Variants in PTPRD observed in about 807,000 individuals in gnomAD.
PTPRD encodes receptor-type tyrosine-protein phosphatase delta.
A neutral mutation model predicts 214.5 loss-of-function variants in PTPRD; 34 were observed. That is an observed-to-expected ratio of 0.16 (90% CI 0.12 to 0.21). The LOEUF (loss-of-function observed/expected upper bound fraction) is 0.21. PTPRD is among the 10% of genes least tolerant of loss of function. PTPRD has a pLI of 1.00. For synonymous variants in PTPRD, 1,128 were observed against 845.7 expected (o/e 1.33, Z -5.79); for missense variants, 2,545 against 2,398.7 (o/e 1.06, Z -1.27).
chr9:9,478,182 C>T (rs1455516086), intron 8 of PTPRD, among the ~76,000 whole-genome samples: 4 of 152,066 alleles, frequency 2.6e-5, no homozygotes, highest in Non-Finnish European at 5.9e-5. Context: ...ATAACTTGAA[C>T]ATTTAAGACA....
intron 10 of PTPRD, among the ~76,000 whole-genome samples, chr9:9,178,244 G>A (rs2099926129): frequency 6.6e-6 from 1 of 151,972 alleles, no homozygotes; most frequent in South Asian, 2.1e-4. Flanking sequence ...ACCTCCCTTA[G>A]TCTTTCTGCC....
At chr9:9,057,030 G>A (rs1016667017) in intron 10 of PTPRD, among the ~76,000 whole-genome samples, 5 of 151,992 alleles carry the variant, frequency 3.3e-5, no homozygotes, top group Non-Finnish European at 7.4e-5. Context: ...TCCTCAGGGG[G>A]GATCTGTTAT....
At chr9:9,369,668 G>C (rs1037188698) in intron 9 of PTPRD, among the ~76,000 whole-genome samples, 1 of 152,068 alleles carries the variant, frequency 6.6e-6, no homozygotes, top group South Asian at 2.1e-4. Context: ...TGGTGTTTTA[G>C]ACATGAAGTC....
chr9:9,668,525 T>A (rs1306776307), intron 7 of PTPRD, among the ~76,000 whole-genome samples: 2 of 152,116 alleles, frequency 1.3e-5, no homozygotes, highest in Non-Finnish European at 2.9e-5. Flanking sequence ...CCAATTAAGT[T>A]TTGATTGGCC....
At chr9:10,168,118 T>C (rs2099170640) in intron 3 of PTPRD, among the ~76,000 whole-genome samples, 1 of 152,200 alleles carries the variant, frequency 6.6e-6, no homozygotes, top group African/African-American at 2.4e-5. Context: ...ATATTTGCTT[T>C]TGCAGGTGAT....
intron 8 of PTPRD, among the ~76,000 whole-genome samples, chr9:9,561,578 G>C (rs1317612668): frequency 6.6e-6 from 1 of 152,082 alleles, no homozygotes; most frequent in Non-Finnish European, 1.5e-5. Flanking sequence ...AGTATAAAAA[G>C]AATAGCCTCT....
At chr9:8,731,837 T>C (rs1318543194) in intron 12 of PTPRD, among the ~76,000 whole-genome samples, 1 of 152,208 alleles carries the variant, frequency 6.6e-6, no homozygotes, top group Non-Finnish European at 1.5e-5. Context: ...GAAAATATAC[T>C]ACATGGAGGC....
intron 44 of PTPRD, among the ~76,000 whole-genome samples, chr9:8,329,538 A>G (rs1837565188): frequency 6.6e-6 from 1 of 152,082 alleles, no homozygotes; most frequent in African/African-American, 2.4e-5. Context: ...CAGAGCTCGA[A>G]CACTGCACTG....
intron 10 of PTPRD, among the ~76,000 whole-genome samples, chr9:9,082,129 G>C (rs1391418226): frequency 1.3e-5 from 2 of 151,958 alleles, no homozygotes; most frequent in African/African-American, 4.8e-5. Flanking sequence ...GCATCATCCT[G>C]ATACCAAAAC....
chr9:9,097,559 C>A (rs961879995), intron 10 of PTPRD, among the ~76,000 whole-genome samples: 1 of 150,832 alleles, frequency 6.6e-6, no homozygotes, highest in Non-Finnish European at 1.5e-5. Flanking sequence ...CAGGCACCTG[C>A]CACCATGCCA....
At chr9:9,000,935 G>A (rs72692815) in intron 11 of PTPRD, among the ~76,000 whole-genome samples, 13,551 of 151,864 alleles carry the variant, frequency 0.089, 670 homozygotes, top group South Asian at 0.16. Context: ...TATTGCACCT[G>A]AGTCATACCT....
chr9:10,088,969 G>C (rs1420394287), intron 3 of PTPRD, among the ~76,000 whole-genome samples: 1 of 151,478 alleles, frequency 6.6e-6, no homozygotes, highest in South Asian at 2.1e-4. Flanking sequence ...GAATTTAGGG[G>C]CCAAGAGAAA....
intron 11 of PTPRD, among the ~76,000 whole-genome samples, chr9:9,016,354 C>T (rs551504069): frequency 1.5e-4 from 23 of 152,252 alleles, no homozygotes; most frequent in Non-Finnish European, 2.6e-4. Context: ...GTTCTGGGTT[C>T]CAATTCCAAT....
chr9:9,598,367 G>T (rs891267352), intron 7 of PTPRD, among the ~76,000 whole-genome samples: 2 of 151,848 alleles, frequency 1.3e-5, no homozygotes, highest in African/African-American at 4.8e-5. Flanking sequence ...AGAAGAAAAA[G>T]GAGAGGAAAT....
At chr9:9,606,577 A>G (rs2094168352) in intron 7 of PTPRD, among the ~76,000 whole-genome samples, 1 of 152,060 alleles carries the variant, frequency 6.6e-6, no homozygotes, top group Admixed American at 6.6e-5. Context: ...TGTGCTCTAT[A>G]TGTTAAATTA....
chr9:9,418,752 T>C (rs1490468368), intron 8 of PTPRD, among the ~76,000 whole-genome samples: 1 of 151,930 alleles, frequency 6.6e-6, no homozygotes, highest in Non-Finnish European at 1.5e-5. Context: ...TAGTCTTTGC[T>C]CTTGAGCATT....
At chr9:10,184,000 C>T (rs963331049) in intron 3 of PTPRD, among the ~76,000 whole-genome samples, 2 of 152,164 alleles carry the variant, frequency 1.3e-5, no homozygotes, top group Non-Finnish European at 2.9e-5. Flanking sequence ...TTTAACACAT[C>T]TGGTCACATG....
At chr9:9,777,340 C>A (rs1565182990) in intron 5 of PTPRD, among the ~76,000 whole-genome samples, 4 of 150,998 alleles carry the variant, frequency 2.6e-5, no homozygotes. Flanking sequence ...CACACACACA[C>A]ACACACACAC....
intron 8 of PTPRD, among the ~76,000 whole-genome samples, chr9:9,530,114 C>A (rs1243067752): frequency 1.3e-5 from 2 of 151,772 alleles, no homozygotes; most frequent in African/African-American, 4.8e-5. Flanking sequence ...CAAGAACAAA[C>A]CAAACTCAAA....
Sources: gnomAD v4.1 joint callset for allele counts (sites outside exome capture counted in the v4.1 genomes callset) on GRCh38, gnomAD v4.1.1 for gene constraint, MANE v1.5 for transcripts, NCBI Gene and HGNC (gene_info 2026-07-23, HGNC 2026-07-21) for gene names.